CXADR: variants seen among roughly 807,000 people sequenced by gnomAD.
CXADR encodes the protein CXADR cell adhesion molecule, also known as coxsackievirus and adenovirus receptor.
A neutral mutation model predicts 40.3 loss-of-function variants in CXADR; 20 were observed. The observed-to-expected ratio is 0.50, with a 90% CI of 0.35 to 0.72. The LOEUF (loss-of-function observed/expected upper bound fraction) is 0.72. CXADR is among the 30% of genes least tolerant of loss of function. CXADR has a pLI of 0.01. For missense variants in CXADR, 332 were observed against 449.1 expected (o/e 0.74, Z 2.36); for synonymous variants, 150 against 161.3 (o/e 0.93, Z 0.53).
At chr21:17,534,772 T>G (rs1050066654) in intron 1 of CXADR, among the ~76,000 whole-genome samples, 1 of 148,502 alleles carries the variant, frequency 6.7e-6, no homozygotes, top group Non-Finnish European at 1.5e-5. Context: ...TCCTGATTTG[T>G]CTAACTTATT....
downstream of CXADR, among the ~76,000 whole-genome samples, chr21:17,594,809 CAAA>C (rs1017593777): frequency 6.6e-6 from 1 of 151,530 alleles, no homozygotes; most frequent in African/African-American, 2.4e-5. Flanking sequence ...CTTATGAACA[CAAA>C]GAAGGAAACA....
intron 4 of CXADR, among the ~76,000 whole-genome samples, chr21:17,559,666 TGG>T (rs141606129): frequency 0.31 from 25,371 of 80,808 alleles, 2,717 homozygotes; most frequent in South Asian, 0.44. Flanking sequence ...TACTTTTTTT[TGG>T]GTTTTTTTTT....
At chr21:17,531,676 G>A (rs969104219) in intron 1 of CXADR, among the ~76,000 whole-genome samples, 4 of 152,096 alleles carry the variant, frequency 2.6e-5, no homozygotes, top group Non-Finnish European at 4.4e-5. Context: ...TGTAGTCCCC[G>A]TTTGTCACAG....
downstream of CXADR, among the ~76,000 whole-genome samples, chr21:17,595,883 A>G (rs188465580): frequency 5.0e-4 from 76 of 152,106 alleles, no homozygotes; most frequent in Non-Finnish European, 8.2e-4. Flanking sequence ...TAGTGGTACT[A>G]TTTTACATGA....
At chr21:17,513,601 G>A (rs1439073564) in intron 1 of CXADR, among the ~76,000 whole-genome samples, 1 of 152,264 alleles carries the variant, frequency 6.6e-6, no homozygotes, top group African/African-American at 2.4e-5. Context: ...CAGGTGTCGA[G>A]TCGCCCAGGC....
chr21:17,523,997 T>G (rs1240182105), intron 1 of CXADR, among the ~76,000 whole-genome samples: 1 of 151,978 alleles, frequency 6.6e-6, no homozygotes, highest in Non-Finnish European at 1.5e-5. Flanking sequence ...CAGCTAGGAT[T>G]ACAGGCGCTC....
chr21:17,538,126 T>G (rs1468575272), intron 1 of CXADR, among the ~76,000 whole-genome samples: 4 of 152,062 alleles, frequency 2.6e-5, no homozygotes, highest in Non-Finnish European at 5.9e-5. Context: ...TTCAGCCTCC[T>G]GAGCAGCTGA....
chr21:17,599,857 C>A, the CXADR span, among the ~76,000 whole-genome samples: 1 of 152,118 alleles, frequency 6.6e-6, no homozygotes, highest in African/African-American at 2.4e-5. Flanking sequence ...ATAAAATTGA[C>A]TTTAACCCCA....
intron 7 of CXADR, among the ~76,000 whole-genome samples, chr21:17,583,926 G>T (rs1015468562): frequency 6.6e-6 from 1 of 152,150 alleles, no homozygotes; most frequent in African/African-American, 2.4e-5. Context: ...CACACAGAAT[G>T]GATCTTAACC....
chr21:17,572,750 T>A (rs961745136), downstream of CXADR, among the ~76,000 whole-genome samples: 34 of 42,410 alleles, frequency 8.0e-4, no homozygotes, highest in Non-Finnish European at 2.5e-3. Context: ...AGACTTTTAG[T>A]GTGGTTGAAA....
At chr21:17,537,508 T>C (rs1441005772) in intron 1 of CXADR, among the ~76,000 whole-genome samples, 1 of 152,220 alleles carries the variant, frequency 6.6e-6, no homozygotes, top group South Asian at 2.1e-4. Context: ...TATGCAGTTA[T>C]GCAGTTGCCT....
At chr21:17,603,270 G>A in the CXADR span, among the ~76,000 whole-genome samples, 2 of 152,122 alleles carry the variant, frequency 1.3e-5, no homozygotes, top group Non-Finnish European at 2.9e-5. Flanking sequence ...CCTAAAGCAG[G>A]TCCTTAATTA....
the CXADR span, among the ~76,000 whole-genome samples, chr21:17,610,107 G>A: frequency 6.6e-6 from 1 of 152,194 alleles, no homozygotes; most frequent in South Asian, 2.1e-4. Flanking sequence ...CCATTGATAT[G>A]AAATATCCAG....
the CXADR span, among the ~76,000 whole-genome samples, chr21:17,628,852 T>G: frequency 6.6e-6 from 1 of 152,104 alleles, no homozygotes; most frequent in African/African-American, 2.4e-5. Flanking sequence ...TCTCTCTCAC[T>G]TGGGAGAGGG....
At chr21:17,560,982 TAAA>T (rs768941732) in intron 5 of CXADR, among the ~76,000 whole-genome samples, 158 bp downstream of exon 5, 5 of 152,154 alleles carry the variant, frequency 3.3e-5, no homozygotes, top group Non-Finnish European at 5.9e-5. Context: ...TACATTTTAT[TAAA>T]AAAACTTCAT....
At chr21:17,572,717 T>C (rs4818362), downstream of CXADR, among the ~76,000 whole-genome samples, 32,776 of 151,162 alleles carry the variant, frequency 0.22, 3,641 homozygotes, top group South Asian at 0.26. Context: ...TTGTTTTTTT[T>C]CCCCTGGGCT....
At chr21:17,520,108 C>T (rs1262167071) in intron 1 of CXADR, among the ~76,000 whole-genome samples, 2 of 152,036 alleles carry the variant, frequency 1.3e-5, no homozygotes, top group Non-Finnish European at 2.9e-5. Context: ...AACTTCCATT[C>T]GAATACCTAA....
intron 1 of CXADR, among the ~76,000 whole-genome samples, chr21:17,537,019 A>G (rs998181346): frequency 2.0e-5 from 3 of 152,202 alleles, no homozygotes; most frequent in African/African-American, 7.2e-5. Flanking sequence ...CAGCCTCCCA[A>G]AGTGCTGGGA....
At chr21:17,579,597 T>G (rs1427766865) in intron 7 of CXADR, among the ~76,000 whole-genome samples, 1 of 152,096 alleles carries the variant, frequency 6.6e-6, no homozygotes, top group Non-Finnish European at 1.5e-5. Context: ...CTCACTTTTC[T>G]TTATGATGTA....
Sources: allele counts gnomAD v4.1 joint callset (sites outside exome capture counted in the v4.1 genomes callset), GRCh38; gene constraint gnomAD v4.1.1; transcripts MANE v1.5; gene names NCBI Gene and HGNC (gene_info 2026-07-23, HGNC 2026-07-21).